The following GTF2A2 variants were observed in gnomAD, a reference collection of about 807,000 sequenced individuals.
GTF2A2 encodes the protein transcription initiation factor IIA subunit 2.
A neutral mutation model predicts 14.3 loss-of-function variants in GTF2A2; 9 were observed. That is an observed-to-expected ratio of 0.63 (90% confidence interval 0.38 to 1.10). The LOEUF is 1.10. GTF2A2 is among the 50% of genes least tolerant of loss of function. The pLI, the probability that GTF2A2 is intolerant of heterozygous loss-of-function variation, is 0.01. For missense variants in GTF2A2, 90 were observed against 124.6 expected (o/e 0.72, Z 1.32); for synonymous variants, 56 against 46.0 (o/e 1.22, Z -0.88).
intron 4 of GTF2A2, among the ~76,000 whole-genome samples, chr15:59,639,906 A>C (rs1229905329): frequency 6.6e-6 from 1 of 151,850 alleles, no homozygotes; most frequent in Non-Finnish European, 1.5e-5. Context: ...GGGTACCACC[A>C]TGCCTGGCTA....
chr15:59,654,107 G>A (rs948489407), intron 1 of GTF2A2, among the ~76,000 whole-genome samples: 6 of 152,106 alleles, frequency 3.9e-5, no homozygotes, highest in African/African-American at 1.4e-4. Flanking sequence ...GCCACACTAA[G>A]ACTTTAAAAC....
At chr15:59,656,798 G>C (rs17236713) in intron 1 of GTF2A2, 1 of 152,114 alleles carries the variant, frequency 6.6e-6, no homozygotes, top group Non-Finnish European at 1.5e-5. Flanking sequence ...TAAAAGTGCT[G>C]ATTTCAATGT....
At chr15:59,657,161 T>C (rs889876195) in intron 1 of GTF2A2, 1 of 152,208 alleles carries the variant, frequency 6.6e-6, no homozygotes, top group African/African-American at 2.4e-5. Flanking sequence ...AGACCTCCCC[T>C]AGGTGGGTTC....
rs1380174264 is a variant in GTF2A2, at chr15:59,638,071, G to A, written c.*1061C>T. ...ACATGCATAGAATGAATTGGAAGAT[G>A]AAACAATTTTATTTTCTTTGTAGGG... On this transcript the variant is annotated 3_prime_UTR_variant, in exon 5 of 5. Coordinates refer to ENST00000396060, the MANE Select transcript of GTF2A2 (RefSeq NM_004492.3). 1 of 152,154 alleles carries A rather than the reference G, an allele frequency of 6.6e-6. No individual in the cohort carries two copies. Among genetic ancestry groups the A allele is most frequent in the African/African-American group, 2.4e-5 (1 of 41,428 alleles). 9.4% of individuals were successfully genotyped at this position (152,154 alleles called of 1,614,324 possible). A position where few individuals can be genotyped will look rare whatever the true frequency, so the allele number is the denominator to read the frequency against.
rs961510146 is a variant in GTF2A2, at chr15:59,638,329, A to G, written c.*803T>C. On this transcript the variant is annotated 3_prime_UTR_variant, in exon 5 of 5. Coordinates refer to ENST00000396060, the MANE Select transcript of GTF2A2 (RefSeq NM_004492.3). ...ATTGGGTCAATCCAGTTAACCATGT[A>G]AGAAACTCCTCACCTAGGGTCAGTA... 6.6e-6 allele frequency: 1 copy of G among 152,106 alleles called. No individual in the cohort carries two copies. The highest frequency in any genetic ancestry group is 2.4e-5 in the African/African-American group (1 of 41,432). The allele number at this position is 152,106 out of a possible 1,614,324, so 9.4% of individuals were successfully genotyped here.
intron 1 of GTF2A2, among the ~76,000 whole-genome samples, chr15:59,652,714 C>CT: frequency 6.6e-6 from 1 of 152,106 alleles, no homozygotes; most frequent in Non-Finnish European, 1.5e-5. Context: ...CCTGTTCTCT[C>CT]TAAATTCAGT....
At position 59,639,068 on chromosome 15, in the gene GTF2A2, C is replaced by G. The variant is rs1278364032; in HGVS notation, c.*64G>C. ...TTCTAGAATAAATAAAAAGTCTCTT[C>G]TATGCTTCTCTTCAAAAGCAATGAA... On this transcript the variant is annotated 3_prime_UTR_variant, in exon 5 of 5. Transcript: ENST00000396060. The G allele has an allele frequency of 2.2e-6, 2 of 927,046 alleles. No homozygotes were observed. Among genetic ancestry groups the G allele is most frequent in the Non-Finnish European group, 3.6e-6 (2 of 559,142 alleles). The allele number at this position is 927,046 out of a possible 1,614,324, so 57.4% of individuals were successfully genotyped here.
At chr15:59,647,078 G>A (rs1024375738) in intron 3 of GTF2A2, among the ~76,000 whole-genome samples, 7 of 151,308 alleles carry the variant, frequency 4.6e-5, no homozygotes, top group East Asian at 1.9e-4. Context: ...ATTTATATGC[G>A]TTTATACATA....
At chr15:59,645,340 C>A (rs1290874974) in intron 3 of GTF2A2, among the ~76,000 whole-genome samples, 2 of 152,148 alleles carry the variant, frequency 1.3e-5, no homozygotes, top group Non-Finnish European at 2.9e-5. Flanking sequence ...CGGACGCACG[C>A]TGTAACCCTA....
intron 3 of GTF2A2, 50 bp downstream of exon 3, chr15:59,650,619 G>C: frequency 9.6e-7 from 1 of 1,044,798 alleles, no homozygotes; most frequent in Non-Finnish European, 1.5e-6. Context: ...AAAAATCAGT[G>C]TTTTAACAAC....
chr15:59,651,727 C>G (rs1032648613), intron 2 of GTF2A2: 2 of 152,312 alleles, frequency 1.3e-5, no homozygotes, highest in Admixed American at 1.3e-4. Flanking sequence ...TGCTCTGTCA[C>G]CAAGGCTGGA....
At chr15:59,651,492 G>A (rs1474201119) in intron 2 of GTF2A2, 5 of 152,070 alleles carry the variant, frequency 3.3e-5, no homozygotes, top group African/African-American at 4.8e-5. Flanking sequence ...TACTTAATAT[G>A]TTTTTATTTG....
chr15:59,646,110 A>G (rs1475195816), intron 3 of GTF2A2, among the ~76,000 whole-genome samples: 2 of 151,786 alleles, frequency 1.3e-5, no homozygotes, highest in Non-Finnish European at 2.9e-5. Flanking sequence ...AGGATGGAGC[A>G]CAGTGGTGTG....
At chr15:59,639,349 G>T (rs1165986079) in intron 4 of GTF2A2, among the ~76,000 whole-genome samples, 192 bp from the exon 5 acceptor site, 1 of 152,064 alleles carries the variant, frequency 6.6e-6, no homozygotes. Context: ...TTTAAGCAGA[G>T]ATACAAAGAT....
At chr15:59,645,714 GT>G (rs1891581510) in intron 3 of GTF2A2, among the ~76,000 whole-genome samples, 1 of 152,142 alleles carries the variant, frequency 6.6e-6, no homozygotes, top group South Asian at 2.1e-4. Flanking sequence ...GCATCCTGAA[GT>G]TGTGTGTAAT....
chr15:59,641,846 T>TAAAC (rs1243601387), intron 4 of GTF2A2, among the ~76,000 whole-genome samples: 2 of 152,242 alleles, frequency 1.3e-5, no homozygotes, highest in African/African-American at 2.4e-5. Flanking sequence ...AAAAGCCTGA[T>TAAAC]AAACACTTAA....
At chr15:59,640,685 AAATTAATCCCTG>A (rs1891386962) in intron 4 of GTF2A2, among the ~76,000 whole-genome samples, 1 of 152,204 alleles carries the variant, frequency 6.6e-6, no homozygotes, top group Non-Finnish European at 1.5e-5. Context: ...TAGGTATTAT[AAATTAATCCCTG>A]AATTCTACAG....
At chr15:59,640,227 T>G (rs1428580466) in intron 4 of GTF2A2, 4 of 151,876 alleles carry the variant, frequency 2.6e-5, no homozygotes, top group Non-Finnish European at 5.9e-5. Context: ...ATCTGCTACT[T>G]CTCATCCACT....
chr15:59,648,131 G>C (rs12906392), intron 3 of GTF2A2, among the ~76,000 whole-genome samples: 48,327 of 151,594 alleles, frequency 0.32, 8,498 homozygotes, highest in East Asian at 0.6. Flanking sequence ...AGTTATGGCC[G>C]GGTGCGGTAC....
Sources: allele counts gnomAD v4.1 joint callset (sites outside exome capture counted in the v4.1 genomes callset), GRCh38; gene constraint gnomAD v4.1.1; transcripts MANE v1.5; gene names NCBI Gene and HGNC (gene_info 2026-07-23, HGNC 2026-07-21).